The following WDR70 variants were observed in gnomAD, a reference collection of about 807,000 sequenced individuals.
WDR70 encodes the protein WD repeat-containing protein 70.
A neutral mutation model predicts 88.6 loss-of-function variants in WDR70; 53 were observed. The observed-to-expected ratio is 0.60, with a 90% CI of 0.48 to 0.75. The LOEUF is 0.75. WDR70 is among the 30% of genes least tolerant of loss of function. WDR70 has a pLI of 0.00. For synonymous variants in WDR70, 280 were observed against 270.0 expected, an observed-to-expected ratio of 1.04 and a Z score of -0.36; for missense variants, 610 against 823.2, an observed-to-expected ratio of 0.74 and a Z score of 3.17.
At chr5:37,681,466 T>C (rs1197051857) in intron 10 of WDR70, among the ~76,000 whole-genome samples, 1 of 152,210 alleles carries the variant, frequency 6.6e-6, no homozygotes, top group Non-Finnish European at 1.5e-5. Flanking sequence ...CAATACTATG[T>C]TGAATAGGAG....
chr5:37,379,626 G>A, intron 2 of WDR70, 72 bp downstream of exon 2: 4 of 1,526,822 alleles, frequency 2.6e-6, no homozygotes, highest in Non-Finnish European at 3.6e-6. Context: ...TGGGAGTGGA[G>A]ATCGAGCTGT....
chr5:37,705,640 TA>T lies in WDR70; in HGVS notation c.1416+2566del, dbSNP rs200037162. On this transcript the variant is annotated intron_variant, in intron 13 of 17. Transcript: ENST00000265107. ...CCAAGTTTTACGTCTTCTTGGAATG[TA>T]AAAAAAAAAAAATACATTTCTTGGA... 3.6e-3 allele frequency among the ~76,000 whole-genome samples: 514 copies of T among 143,356 alleles called. 1 individual carries two copies. Among genetic ancestry groups the T allele is most frequent in the Middle Eastern group, 3.6e-3 (1 of 278 alleles). 94.0% of individuals were successfully genotyped at this position (143,356 alleles called of 152,430 possible).
At chr5:37,688,438 AAAAC>A (rs1024232234) in intron 10 of WDR70, among the ~76,000 whole-genome samples, 7 of 152,336 alleles carry the variant, frequency 4.6e-5, no homozygotes, top group African/African-American at 1.7e-4. Flanking sequence ...CTTAACATTA[AAAAC>A]AAACAAAACT....
rs1748856574 is a variant in WDR70 at position 37,752,965 on chromosome 5, C to T, written c.*392C>T. ...ATAGAGATCAAAAAGTTTAATGTTT[C>T]TGTATAATTTCACAACAGTTGTTTA... On this transcript the variant is annotated 3_prime_UTR_variant, in exon 18 of 18. Transcript: ENST00000265107. 1 of 161,814 alleles carries T rather than the reference C, an allele frequency of 6.2e-6. No individual in the cohort carries two copies. The highest frequency in any genetic ancestry group is 1.8e-4 in the South Asian group (1 of 5,470). 10.0% of individuals were successfully genotyped at this position (161,814 alleles called of 1,614,324 possible).
chr5:37,699,385 ATG>A (rs1245322678), intron 11 of WDR70, among the ~76,000 whole-genome samples: 12 of 86,184 alleles, frequency 1.4e-4, no homozygotes, highest in Non-Finnish European at 2.0e-4. Context: ...ATATATATGT[ATG>A]TGTGTATATA....
chr5:37,487,352 G>A (rs1376499203), intron 8 of WDR70, among the ~76,000 whole-genome samples: 2 of 151,794 alleles, frequency 1.3e-5, no homozygotes, highest in South Asian at 2.1e-4. Context: ...AGATTTCATA[G>A]GATACTGTTA....
chr5:37,714,686 G>A (rs1050707907), intron 13 of WDR70, among the ~76,000 whole-genome samples: 5 of 152,112 alleles, frequency 3.3e-5, no homozygotes, highest in Admixed American at 1.3e-4. Flanking sequence ...CTTGCAGGAC[G>A]ACCACCCACC....
At chr5:37,497,822 T>C (rs1458104176) in intron 8 of WDR70, among the ~76,000 whole-genome samples, 1 of 152,020 alleles carries the variant, frequency 6.6e-6, no homozygotes, top group Non-Finnish European at 1.5e-5. Flanking sequence ...TGTTTTTTGT[T>C]TTGTTTTTGT....
intron 9 of WDR70, among the ~76,000 whole-genome samples, chr5:37,538,264 TAC>T (rs1741721378): frequency 6.6e-6 from 1 of 152,218 alleles, no homozygotes; most frequent in Non-Finnish European, 1.5e-5. Context: ...AACTGGAAGC[TAC>T]ATATTTTGAA....
intron 7 of WDR70, among the ~76,000 whole-genome samples, chr5:37,470,939 G>A (rs1378558670): frequency 1.3e-5 from 2 of 151,268 alleles, no homozygotes; most frequent in African/African-American, 4.9e-5. Context: ...CCAGGCTGGA[G>A]TGCAGTGGCA....
chr5:37,752,191 G>T (rs757907376), intron 17 of WDR70, among the ~76,000 whole-genome samples: 1 of 152,144 alleles, frequency 6.6e-6, no homozygotes, highest in Non-Finnish European at 1.5e-5. Flanking sequence ...AGGGTGGTTA[G>T]GATGGGTGAA....
intron 8 of WDR70, among the ~76,000 whole-genome samples, chr5:37,481,862 A>T (rs188765097): frequency 6.6e-6 from 1 of 152,310 alleles, no homozygotes; most frequent in East Asian, 1.9e-4. Flanking sequence ...CTTCTGGCAG[A>T]TACCTTAAAT....
chr5:37,690,089 A>G (rs1016209631), intron 10 of WDR70, among the ~76,000 whole-genome samples: 3 of 152,226 alleles, frequency 2.0e-5, no homozygotes, highest in African/African-American at 4.8e-5. Context: ...AGTCAATTCA[A>G]TCAAGTGGAA....
At chr5:37,429,819 G>C (rs1444453506) in intron 5 of WDR70, among the ~76,000 whole-genome samples, 1 of 152,038 alleles carries the variant, frequency 6.6e-6, no homozygotes, top group African/African-American at 2.4e-5. Flanking sequence ...AAACTGATTT[G>C]GTTACTCTGA....
At chr5:37,722,605 T>C in intron 14 of WDR70, 1 of 474,904 alleles carries the variant, frequency 2.1e-6, no homozygotes, top group South Asian at 3.0e-5. Flanking sequence ...TGTAAACTTG[T>C]GTCCTGTTGC....
At chr5:37,461,791 G>C (rs1739015134) in intron 7 of WDR70, among the ~76,000 whole-genome samples, 1 of 152,112 alleles carries the variant, frequency 6.6e-6, no homozygotes, top group African/African-American at 2.4e-5. Context: ...CCTGTATGCT[G>C]TATTTTTAGG....
At chr5:37,573,953 C>G (rs1292748409) in intron 9 of WDR70, among the ~76,000 whole-genome samples, 1 of 152,094 alleles carries the variant, frequency 6.6e-6, no homozygotes, top group East Asian at 1.9e-4. Flanking sequence ...GTCTCCCAGG[C>G]TGCAAGAGCT....
intron 10 of WDR70, among the ~76,000 whole-genome samples, chr5:37,669,313 T>C (rs540679122): frequency 2.6e-5 from 4 of 152,218 alleles, no homozygotes; most frequent in African/African-American, 9.6e-5. Flanking sequence ...CTGTCTTTTG[T>C]TTTTAAATTA....
intron 9 of WDR70, among the ~76,000 whole-genome samples, chr5:37,586,360 A>T (rs1448975924): frequency 6.6e-6 from 1 of 152,188 alleles, no homozygotes; most frequent in African/African-American, 2.4e-5. Context: ...AAGGCCTTTC[A>T]GTCCTGTTTT....
Sources: gnomAD v4.1 joint callset for allele counts (sites outside exome capture counted in the v4.1 genomes callset) on GRCh38, gnomAD v4.1.1 for gene constraint, MANE v1.5 for transcripts, NCBI Gene and HGNC (gene_info 2026-07-23, HGNC 2026-07-21) for gene names.